CNTNAP5: variants seen among roughly 807,000 people sequenced by gnomAD.
CNTNAP5 encodes the protein contactin associated protein family member 5, also known as contactin-associated protein-like 5.
A neutral mutation model predicts 150.2 loss-of-function variants in CNTNAP5; 72 were observed. The ratio of observed to expected loss-of-function variants is 0.48; its 90% confidence interval spans 0.40 to 0.58. The LOEUF (loss-of-function observed/expected upper bound fraction) is 0.58, where lower values mean the gene tolerates loss of function less well. CNTNAP5 is among the 20% of genes least tolerant of loss of function. The pLI is 0.00. For missense variants in CNTNAP5, 1,636 were observed against 1,626.2 expected, an observed-to-expected ratio of 1.01 and a Z score of -0.10; for synonymous variants, 672 against 619.8, an observed-to-expected ratio of 1.08 and a Z score of -1.25.
chr2:124,626,753 C>A (rs1282744843), intron 12 of CNTNAP5, among the ~76,000 whole-genome samples: 1 of 152,304 alleles, frequency 6.6e-6, no homozygotes, highest in East Asian at 1.9e-4. Context: ...GGGAGCCAAG[C>A]AATCTCGCTC....
At chr2:124,747,501 G>A (rs187218735) in intron 14 of CNTNAP5, 116 bp downstream of exon 14, 83 of 1,231,718 alleles carry the variant, frequency 6.7e-5, no homozygotes, top group African/African-American at 5.1e-4. Context: ...GAGCTCCCCC[G>A]ATGGTGACTT....
chr2:124,064,381 T>C (rs1223629185), intron 1 of CNTNAP5, among the ~76,000 whole-genome samples: 2 of 152,102 alleles, frequency 1.3e-5, no homozygotes, highest in Admixed American at 6.6e-5. Flanking sequence ...TTGCCTTTTT[T>C]CCCCTCATTA....
At chr2:124,506,058 C>A (rs948015766) in intron 8 of CNTNAP5, among the ~76,000 whole-genome samples, 1 of 152,038 alleles carries the variant, frequency 6.6e-6, no homozygotes, top group Non-Finnish European at 1.5e-5. Context: ...AAGGAAGAAG[C>A]CAAGGCAATA....
chr2:124,764,303 C>T (rs1235695790), intron 16 of CNTNAP5, among the ~76,000 whole-genome samples, 156 bp downstream of exon 16: 1 of 152,106 alleles, frequency 6.6e-6, no homozygotes, highest in Non-Finnish European at 1.5e-5. Context: ...CCTTCTGATG[C>T]TTTATGATTT....
At position 124,132,567 on chromosome 2, in the gene CNTNAP5, T is replaced by C. The variant is rs530991367; in HGVS notation, c.83-89138T>C. ...ACAGATCAGCAATTTAGTTAACAAG[T>C]GGTCATTATTGTTCCTGAGGCTATC... On this transcript the variant is annotated intron_variant, in intron 1 of 23. Coordinates refer to ENST00000682447, the MANE Select transcript of CNTNAP5 (RefSeq NM_001367498.1). Among the ~76,000 whole-genome samples the C allele has an allele frequency of 4.6e-5, 7 of 152,266 alleles. 1 individual carries two copies. In the South Asian group the frequency reaches 1.5e-3, roughly 32 times the overall value.
intron 3 of CNTNAP5, among the ~76,000 whole-genome samples, chr2:124,319,516 T>A (rs1175749022): frequency 6.6e-6 from 1 of 152,236 alleles, no homozygotes; most frequent in Non-Finnish European, 1.5e-5. Context: ...TTTTCCAGAC[T>A]AATGTTATTG....
At chr2:124,595,885 G>C (rs34941885) in intron 11 of CNTNAP5, among the ~76,000 whole-genome samples, 1 of 125,610 alleles carries the variant, frequency 8.0e-6, no homozygotes, top group Non-Finnish European at 1.7e-5. Context: ...ATGTGTCCAG[G>C]AATTTATCCA....
At chr2:124,485,030 G>A (rs554215507) in intron 7 of CNTNAP5, among the ~76,000 whole-genome samples, 95 of 152,208 alleles carry the variant, frequency 6.2e-4, no homozygotes, top group Non-Finnish European at 6.0e-4. Context: ...CCAGTTGGGC[G>A]GGCTTCTTAG....
chr2:124,505,609 A>G (rs536791888), intron 8 of CNTNAP5, among the ~76,000 whole-genome samples: 42 of 152,266 alleles, frequency 2.8e-4, no homozygotes, highest in African/African-American at 9.9e-4. Flanking sequence ...CTGCCTAGCA[A>G]TACACAGCAG....
chr2:124,309,747 C>T (rs750461237), intron 3 of CNTNAP5, among the ~76,000 whole-genome samples: 9 of 152,166 alleles, frequency 5.9e-5, no homozygotes, highest in Non-Finnish European at 1.3e-4. Context: ...GCAGCTGTGT[C>T]CCAAGGCCCC....
At chr2:124,180,149 A>G (rs867493817) in intron 1 of CNTNAP5, among the ~76,000 whole-genome samples, 4 of 152,346 alleles carry the variant, frequency 2.6e-5, no homozygotes, top group Middle Eastern at 6.8e-3. Context: ...CAAACAATGC[A>G]TGAACATGCA....
intron 12 of CNTNAP5, among the ~76,000 whole-genome samples, chr2:124,624,958 C>A (rs1012284357): frequency 6.6e-6 from 1 of 152,150 alleles, no homozygotes; most frequent in Non-Finnish European, 1.5e-5. Context: ...GAGATAGGCA[C>A]CATCTGGAGA....
At position 124,902,965 on chromosome 2, in the gene CNTNAP5, A is replaced by G. The variant is rs1573700274; in HGVS notation, c.3520A>G (p.Ile1174Val). The change falls in exon 22 of 24, where the codon ATA becomes GTA. Residue 1174 changes from isoleucine to valine, a missense_variant. Physicochemically the swap from Ile to Val is conservative, Grantham distance 29. Coordinates refer to ENST00000682447, the MANE Select transcript of CNTNAP5 (RefSeq NM_001367498.1). ...GCMSSVQYNH[I>V]APLKAALRHA... ...CATGTCTTCCGTCCAGTACAACCAC[A>G]TAGCACCACTGAAGGCTGCCCTGCG... 1.2e-6 allele frequency: 2 copies of G among 1,613,214 alleles called. No homozygotes were observed. Among genetic ancestry groups the G allele is most frequent in the East Asian group, 2.2e-5 (1 of 44,686 alleles).
At chr2:124,548,890 A>T (rs181819053) in intron 10 of CNTNAP5, among the ~76,000 whole-genome samples, 2 of 152,174 alleles carry the variant, frequency 1.3e-5, no homozygotes, top group South Asian at 2.1e-4. Context: ...AGGAACTGGA[A>T]TTAAAACTTG....
intron 7 of CNTNAP5, among the ~76,000 whole-genome samples, chr2:124,476,268 T>A (rs945297005): frequency 1.3e-5 from 2 of 152,204 alleles, no homozygotes; most frequent in African/African-American, 4.8e-5. Flanking sequence ...ATGTCAAACA[T>A]CATTTAAAGA....
chr2:124,425,121 C>T (rs868149044), intron 4 of CNTNAP5, among the ~76,000 whole-genome samples: 2 of 152,164 alleles, frequency 1.3e-5, no homozygotes, highest in South Asian at 2.1e-4. Context: ...TGCATTTACT[C>T]CCTGTTGAAG....
chr2:124,821,945 C>T (rs1000518725), intron 19 of CNTNAP5, among the ~76,000 whole-genome samples: 1 of 152,140 alleles, frequency 6.6e-6, no homozygotes, highest in African/African-American at 2.4e-5. Flanking sequence ...GTCTTCAGGA[C>T]TTGTTTGCTA....
intron 19 of CNTNAP5, among the ~76,000 whole-genome samples, chr2:124,808,393 G>A (rs1682126911): frequency 1.3e-5 from 2 of 152,000 alleles, no homozygotes; most frequent in Admixed American, 1.3e-4. Flanking sequence ...TTCGAGACCA[G>A]CCTGGCCAAC....
chr2:124,233,363 A>T (rs1573855258), intron 2 of CNTNAP5, among the ~76,000 whole-genome samples: 1 of 152,084 alleles, frequency 6.6e-6, no homozygotes, highest in African/African-American at 2.4e-5. Context: ...AACCTACTAA[A>T]TTAGAAATTC....
Sources: gnomAD v4.1 joint callset for allele counts (sites outside exome capture counted in the v4.1 genomes callset) on GRCh38, gnomAD v4.1.1 for gene constraint, MANE v1.5 for transcripts, NCBI Gene and HGNC (gene_info 2026-07-23, HGNC 2026-07-21) for gene names.